The following ZFAT variants were observed in gnomAD, a reference collection of about 807,000 sequenced individuals.
ZFAT encodes zinc finger protein ZFAT.
A neutral mutation model predicts 117.7 loss-of-function variants in ZFAT; 64 were observed. The ratio of observed to expected loss-of-function variants is 0.54; its 90% CI spans 0.44 to 0.67. The LOEUF (loss-of-function observed/expected upper bound fraction) is 0.67. Among genes scored for constraint, ZFAT ranks in the 30% least tolerant of loss-of-function variants. The pLI is 0.00. For missense variants in ZFAT, 1,433 were observed against 1,584.5 expected (o/e 0.90, Z 1.62); for synonymous variants, 679 against 615.0 (o/e 1.10, Z -1.54).
At chr8:134,710,171 G>A (rs546163956) in intron 1 of ZFAT, among the ~76,000 whole-genome samples, 11 of 152,314 alleles carry the variant, frequency 7.2e-5, no homozygotes, top group South Asian at 2.1e-4. Context: ...AAGCAACAAC[G>A]TGGGAGGAGG....
the ZFAT span, among the ~76,000 whole-genome samples, chr8:134,801,955 C>T: frequency 2.6e-5 from 4 of 152,168 alleles, no homozygotes; most frequent in Non-Finnish European, 5.9e-5. Context: ...TCTTATGTTC[C>T]ACCCCAGACC....
chr8:134,648,863 C>T (rs1831053929), intron 2 of ZFAT, among the ~76,000 whole-genome samples: 1 of 151,908 alleles, frequency 6.6e-6, no homozygotes, highest in African/African-American at 2.4e-5. Context: ...AATATAAATG[C>T]AAATATGTTT....
intron 2 of ZFAT, among the ~76,000 whole-genome samples, chr8:134,640,858 GC>G (rs1830540640): frequency 6.6e-6 from 1 of 152,198 alleles, no homozygotes; most frequent in African/African-American, 2.4e-5. Flanking sequence ...TTATGGCAGA[GC>G]TGAGAATCTT....
At chr8:134,721,011 C>G in the ZFAT span, among the ~76,000 whole-genome samples, 1 of 152,164 alleles carries the variant, frequency 6.6e-6, no homozygotes, top group South Asian at 2.1e-4. Flanking sequence ...TTTGTGAGAC[C>G]ACGCGGCAAG....
At chr8:134,599,952 C>T (rs149642666) in intron 7 of ZFAT, 47 of 380,066 alleles carry the variant, frequency 1.2e-4, no homozygotes, top group Admixed American at 1.2e-3. Context: ...ACATTCTCTC[C>T]CAGAGACTAA....
chr8:134,559,656 G>A (rs1586708101), intron 11 of ZFAT, among the ~76,000 whole-genome samples: 2 of 152,352 alleles, frequency 1.3e-5, no homozygotes, highest in Middle Eastern at 3.4e-3. Flanking sequence ...CAATGTGTGA[G>A]AATGGCTGTT....
chr8:134,745,366 C>T, the ZFAT span, among the ~76,000 whole-genome samples: 1 of 152,152 alleles, frequency 6.6e-6, no homozygotes. Flanking sequence ...TTAAGACAGT[C>T]CTGGACCCTA....
At chr8:134,704,832 T>G (rs1298862233) in intron 1 of ZFAT, among the ~76,000 whole-genome samples, 2 of 151,754 alleles carry the variant, frequency 1.3e-5, no homozygotes, top group Admixed American at 1.3e-4. Context: ...CCCTACTTCA[T>G]ACCATACACA....
intron 10 of ZFAT, among the ~76,000 whole-genome samples, chr8:134,581,648 C>T (rs531851627): frequency 1.3e-5 from 2 of 152,132 alleles, no homozygotes; most frequent in African/African-American, 2.4e-5. Context: ...TGCAGTGGTG[C>T]GATCTTGGCT....
In ZFAT at chr8:134,711,739, C is replaced by G. The variant is rs565123747; in HGVS notation, c.19+1106G>C. ...CCAGGACACATTCTCCCACATCTAG[C>G]ACCGCAGCAGGTGGAGGCAGGACTA... On this transcript the variant is annotated intron_variant, in intron 1 of 15. Transcript: ENST00000377838. Among the ~76,000 whole-genome samples, 65 of 152,356 alleles carry G rather than the reference C, an allele frequency of 4.3e-4. No homozygotes were observed. In the Middle Eastern group the frequency reaches 0.014, roughly 32 times the overall value.
chr8:134,540,319 C>T (rs1822160044), intron 11 of ZFAT, among the ~76,000 whole-genome samples: 1 of 152,140 alleles, frequency 6.6e-6, no homozygotes, highest in African/African-American at 2.4e-5. Context: ...TCATCTCAGC[C>T]CTCAGGACTG....
At chr8:134,665,662 G>A (rs374321415) in intron 1 of ZFAT, among the ~76,000 whole-genome samples, 2 of 152,100 alleles carry the variant, frequency 1.3e-5, no homozygotes, top group African/African-American at 4.8e-5. Context: ...CAGCCCCCGA[G>A]CATTCCCTCT....
At chr8:134,718,886 A>T in the ZFAT span, among the ~76,000 whole-genome samples, 96 of 152,358 alleles carry the variant, frequency 6.3e-4, no homozygotes, top group Admixed American at 1.3e-3. Context: ...GGTTAAACGG[A>T]TAGTTCAGCC....
At chr8:134,783,327 G>A in the ZFAT span, among the ~76,000 whole-genome samples, 31 of 152,272 alleles carry the variant, frequency 2.0e-4, no homozygotes, top group East Asian at 3.7e-3. Context: ...ATGGCCAAGT[G>A]AGCATTACCG....
In ZFAT at chr8:134,660,572, C is replaced by A. The variant is rs888029166; in HGVS notation, c.20-2835G>T. ...AGATAGACATGTCACAGAACAATCC[C>A]ATGTAATGGTTTTTACTGAAATTAT... On this transcript the variant is annotated intron_variant, in intron 1 of 15. Coordinates refer to ENST00000377838, the MANE Select transcript of ZFAT (RefSeq NM_020863.4). Among the ~76,000 whole-genome samples the A allele has an allele frequency of 1.4e-4, 22 of 152,306 alleles. 1 individual carries two copies. The highest frequency in any genetic ancestry group is 4.8e-4 in the African/African-American group (20 of 41,566).
chr8:134,565,381 G>T lies in ZFAT; in HGVS notation c.2928C>A (p.Ala976=). 1 of 1,613,844 alleles carries T rather than the reference G, an allele frequency of 6.2e-7. No homozygotes were observed. Among genetic ancestry groups the T allele is most frequent in the African/African-American group, 1.3e-5 (1 of 75,028 alleles). ...FKCTVCDYTA[A]QKPQLLRHME... ...TGTGCCGCAGCAGCTGTGGCTTCTG[G>T]GCCGCTGTGTAGTCACACACCGTGC... Residue 976 remains alanine, a synonymous_variant, in exon 11 of 16, where the codon GCC becomes GCA. Transcript: ENST00000377838.
chr8:134,584,075 A>AAT (rs137885117), intron 9 of ZFAT, 70 bp from the exon 10 acceptor site: 238,676 of 1,379,008 alleles, frequency 0.17, 21,988 homozygotes, highest in Non-Finnish European at 0.19. Context: ...AATCTGAAGG[A>AAT]ATATATATAT....
chr8:134,484,718 T>A (rs1817549580), intron 15 of ZFAT, among the ~76,000 whole-genome samples: 1 of 152,238 alleles, frequency 6.6e-6, no homozygotes, highest in Non-Finnish European at 1.5e-5. Context: ...AGAGCCAGAA[T>A]GTCTAGCATG....
At chr8:134,585,918 C>T (rs886379291) in intron 9 of ZFAT, among the ~76,000 whole-genome samples, 1 of 152,238 alleles carries the variant, frequency 6.6e-6, no homozygotes, top group African/African-American at 2.4e-5. Context: ...CAAAATTCTA[C>T]ACAAATGGTT....
Sources: allele counts gnomAD v4.1 joint callset (sites outside exome capture counted in the v4.1 genomes callset), GRCh38; gene constraint gnomAD v4.1.1; transcripts MANE v1.5; gene names NCBI Gene and HGNC (gene_info 2026-07-23, HGNC 2026-07-21).